The following EEA1 variants were observed in gnomAD, a reference collection of about 807,000 sequenced individuals.
EEA1 encodes the protein early endosome antigen 1, 162kD.
In EEA1, 111 loss-of-function variants were observed where a neutral mutation model predicts 209.2. That is an observed-to-expected ratio of 0.53 (90% CI 0.45 to 0.62). EEA1 has a LOEUF of 0.62. Among genes scored for constraint, EEA1 ranks in the 20% least tolerant of loss-of-function variants. EEA1 has a pLI of 0.00. For missense variants in EEA1, 1,343 were observed against 1,530.8 expected, an observed-to-expected ratio of 0.88 and a Z score of 2.05; for synonymous variants, 536 against 540.6, an observed-to-expected ratio of 0.99 and a Z score of 0.12.
chr12:92,783,331 T>C (rs953313155), intron 22 of EEA1, among the ~76,000 whole-genome samples: 2 of 152,212 alleles, frequency 1.3e-5, no homozygotes, highest in Non-Finnish European at 2.9e-5. Context: ...AATCCCCATA[T>C]GTTTGGTCAC....
intron 15 of EEA1, among the ~76,000 whole-genome samples, chr12:92,813,900 C>G (rs1342887388): frequency 2.0e-5 from 3 of 152,092 alleles, no homozygotes; most frequent in Non-Finnish European, 4.4e-5. Flanking sequence ...GTAGTCACAG[C>G]TACTCAGGAG....
rs190386759 is a variant in EEA1 at position 92,850,501 on chromosome 12, C to G, written c.798+610G>C. ...GGTCAGGAGTTCGAGACCAGCCTGG[C>G]CAACATGGTGAAGCCCCATCTCTAC... On this transcript the variant is annotated intron_variant, in intron 9 of 28. Coordinates refer to ENST00000322349, the MANE Select transcript of EEA1 (RefSeq NM_003566.4). Among the ~76,000 whole-genome samples, 661 of 151,992 alleles carry G rather than the reference C, an allele frequency of 4.3e-3. 3 individuals are homozygous for G. The highest frequency in any genetic ancestry group is 8.0e-3 in the Non-Finnish European group (547 of 67,952).
intron 13 of EEA1, among the ~76,000 whole-genome samples, chr12:92,822,545 G>A (rs560614426): frequency 1.4e-5 from 2 of 147,736 alleles, no homozygotes; most frequent in East Asian, 3.9e-4. Context: ...CCCAACTTTC[G>A]ACCCTTCCTA....
chr12:92,828,334 G>A (rs749970399), intron 11 of EEA1, among the ~76,000 whole-genome samples: 2 of 151,946 alleles, frequency 1.3e-5, no homozygotes, highest in African/African-American at 4.8e-5. Flanking sequence ...GCAGGTTCTT[G>A]TTTGGATATA....
At chr12:92,852,569 T>C (rs1415023528) in intron 7 of EEA1, among the ~76,000 whole-genome samples, 2 of 151,520 alleles carry the variant, frequency 1.3e-5, no homozygotes, top group Non-Finnish European at 2.9e-5. Context: ...AAAACATATA[T>C]ATGTAATAGT....
Position 92,774,671 on chromosome 12 carries a change from G to A in EEA1, c.*1340C>T, listed in dbSNP as rs937460358. The A allele has an allele frequency of 1.6e-4, 24 of 151,576 alleles. No individual in the cohort carries two copies. The highest frequency in any genetic ancestry group is 5.3e-4 in the African/African-American group (22 of 41,404). 9.4% of individuals were successfully genotyped at this position (151,576 alleles called of 1,614,324 possible). A position where few individuals can be genotyped will look rare whatever the true frequency, so the allele number is the denominator to read the frequency against. ...TATCCTTAAGATGCTTAGCCATGCTGTTTCAGTTTTTATTGTAACTGGGAT... is the reference window on the plus strand; with the variant it reads ...TATCCTTAAGATGCTTAGCCATGCTATTTCAGTTTTTATTGTAACTGGGAT... On this transcript the variant is annotated 3_prime_UTR_variant, in exon 29 of 29. Coordinates refer to ENST00000322349, the MANE Select transcript of EEA1 (RefSeq NM_003566.4).
chr12:92,880,137 C>T (rs1879073811), intron 2 of EEA1, among the ~76,000 whole-genome samples: 2 of 152,240 alleles, frequency 1.3e-5, no homozygotes, highest in South Asian at 4.1e-4. Flanking sequence ...TGCTGTTGAT[C>T]TCAACTGTCC....
chr12:92,788,081 T>G, intron 21 of EEA1, 32 bp from the exon 22 acceptor site: 5 of 1,460,292 alleles, frequency 3.4e-6, no homozygotes, highest in Non-Finnish European at 4.5e-6. Flanking sequence ...TAAAACAGTA[T>G]GCATTCCAAA....
chr12:92,841,333 A>G (rs970059393), intron 10 of EEA1, among the ~76,000 whole-genome samples: 1 of 152,292 alleles, frequency 6.6e-6, no homozygotes, highest in Admixed American at 6.5e-5. Flanking sequence ...TCAAAAACCT[A>G]AACATAAGAC....
intron 13 of EEA1, among the ~76,000 whole-genome samples, chr12:92,820,040 T>C (rs552806431): frequency 7.2e-5 from 11 of 152,254 alleles, no homozygotes; most frequent in African/African-American, 2.6e-4. Flanking sequence ...AGCGCTTACT[T>C]TCCAACACAC....
intron 2 of EEA1, among the ~76,000 whole-genome samples, chr12:92,881,968 CTCCTCA>C (rs1879166773): frequency 1.3e-5 from 2 of 152,172 alleles, no homozygotes; most frequent in Admixed American, 6.5e-5. Context: ...CCTCCTCCTC[CTCCTCA>C]TCCTACTCAA....
rs1873750380 is a variant in EEA1, at chr12:92,778,295, A to G, written c.3655-116T>C. The G allele has an allele frequency of 3.5e-5, 26 of 746,572 alleles. 2 individuals are homozygous for G. In the South Asian group the frequency reaches 4.8e-4, roughly 14 times the overall value. 46.2% of individuals were successfully genotyped at this position (746,572 alleles called of 1,614,324 possible). A position where few individuals can be genotyped will look rare whatever the true frequency, so the allele number is the denominator to read the frequency against. Reference sequence around the variant, plus strand: ...TTGCTTCTTCGGGAATGGAGGCAGGAGAACATATTTCATTACACATTAATA... The same window carrying G: ...TTGCTTCTTCGGGAATGGAGGCAGGGGAACATATTTCATTACACATTAATA... On this transcript the variant is annotated intron_variant, in intron 25 of 28. Transcript: ENST00000322349.
intron 10 of EEA1, among the ~76,000 whole-genome samples, chr12:92,841,519 A>G (rs1032181426): frequency 2.0e-5 from 3 of 152,218 alleles, no homozygotes; most frequent in Admixed American, 6.5e-5. Flanking sequence ...TGCAAATCAC[A>G]TATCTGATAA....
chr12:92,881,906 A>C (rs1252534156), intron 2 of EEA1, among the ~76,000 whole-genome samples: 1 of 152,034 alleles, frequency 6.6e-6, no homozygotes, highest in Non-Finnish European at 1.5e-5. Context: ...TTACACGTGG[A>C]TTTTCTTCCA....
Position 92,892,640 on chromosome 12 carries a change from T to A in EEA1, c.25-919A>T, listed in dbSNP as rs117962543. 5.3e-3 allele frequency among the ~76,000 whole-genome samples: 811 copies of A among 151,974 alleles called. 9 individuals carry two copies. Among genetic ancestry groups the A allele is most frequent in the Middle Eastern group, 0.01 (3 of 294 alleles). On this transcript the variant is annotated intron_variant, in intron 1 of 28. Transcript: ENST00000322349. Reference sequence around the variant, plus strand: ...TCCAGGCTGGAGCATAGTGGCACGATCTTGGCTCATTGCAATCTCCACCTC... The same window carrying A: ...TCCAGGCTGGAGCATAGTGGCACGAACTTGGCTCATTGCAATCTCCACCTC...
Position 92,792,301 on chromosome 12 carries a change from C to CA in EEA1, c.2968-4253dup, listed in dbSNP as rs576050200. Among the ~76,000 whole-genome samples the CA allele has an allele frequency of 6.1e-3, 916 of 151,082 alleles. 12 individuals are homozygous for CA. Among genetic ancestry groups the CA allele is most frequent in the African/African-American group, 0.021 (857 of 41,168 alleles). On this transcript the variant is annotated intron_variant, in intron 21 of 28. Coordinates refer to ENST00000322349, the MANE Select transcript of EEA1 (RefSeq NM_003566.4). ...AGCAGAAATGAAGGAGATAGAGACA[C>CA]AAAAAAAACCTTTCAAAAAAATTCA...
At chr12:92,898,323 A>G (rs1203912254) in intron 1 of EEA1, among the ~76,000 whole-genome samples, 1 of 152,224 alleles carries the variant, frequency 6.6e-6, no homozygotes. Flanking sequence ...GGATTCTCAG[A>G]AGAACTCAGG....
At chr12:92,843,110 T>C (rs1421998136) in intron 9 of EEA1, among the ~76,000 whole-genome samples, 1 of 152,218 alleles carries the variant, frequency 6.6e-6, no homozygotes, top group East Asian at 1.9e-4. Context: ...TAGATCACTA[T>C]ATGGTCAGGT....
At chr12:92,801,430 T>C (rs1008084658) in intron 20 of EEA1, among the ~76,000 whole-genome samples, 170 bp downstream of exon 20, 8 of 151,914 alleles carry the variant, frequency 5.3e-5, no homozygotes, top group African/African-American at 1.9e-4. Context: ...TTCAGAGAAA[T>C]GAACCTATGA....
Sources: gnomAD v4.1 joint callset for allele counts (sites outside exome capture counted in the v4.1 genomes callset) on GRCh38, gnomAD v4.1.1 for gene constraint, MANE v1.5 for transcripts, NCBI Gene and HGNC (gene_info 2026-07-23, HGNC 2026-07-21) for gene names.